Variants in HDAC9 observed in about 807,000 individuals in gnomAD.
HDAC9 encodes MEF-2 interacting transcription repressor (MITR) protein.
In HDAC9, 41 loss-of-function variants were observed where a neutral mutation model predicts 139.4. The observed-to-expected ratio is 0.29, with a 90% CI of 0.23 to 0.38. The LOEUF (loss-of-function observed/expected upper bound fraction) is 0.38. HDAC9 is among the 10% of genes least tolerant of loss of function. HDAC9 has a pLI of 1.00. For missense variants in HDAC9, 1,147 were observed against 1,297.0 expected, an observed-to-expected ratio of 0.88 and a Z score of 1.78; for synonymous variants, 517 against 476.2, an observed-to-expected ratio of 1.09 and a Z score of -1.12.
Position 18,211,530 on chromosome 7 carries a change from C to G in HDAC9, c.25+49181C>G, listed in dbSNP as rs78852302. 6.5e-3 allele frequency among the ~76,000 whole-genome samples: 988 copies of G among 152,274 alleles called. 13 individuals carry two copies. Among genetic ancestry groups the G allele is most frequent in the African/African-American group, 0.022 (932 of 41,548 alleles). On this transcript the variant is annotated intron_variant, in intron 2 of 12. Transcript: ENST00000417496. ...TGATTATTGTACAGTATTCTATGGA[C>G]ATTTGATTTGATTCTTCTCACAAAA... is the stretch of plus-strand genomic sequence containing the variant.
chr7:18,899,570 T>C (rs1360239391), intron 22 of HDAC9: 1 of 152,024 alleles, frequency 6.6e-6, no homozygotes, highest in Non-Finnish European at 1.5e-5. Context: ...TCATTTGGTT[T>C]AGTCCAGTTA....
chr7:18,457,272 T>C (rs1375731052), intron 1 of HDAC9, among the ~76,000 whole-genome samples: 1 of 152,200 alleles, frequency 6.6e-6, no homozygotes, highest in Non-Finnish European at 1.5e-5. Context: ...AGTGAACCAC[T>C]CAGTGACAAT....
chr7:18,694,712 T>C (rs1349889404), intron 12 of HDAC9, among the ~76,000 whole-genome samples: 2 of 152,142 alleles, frequency 1.3e-5, no homozygotes, highest in Admixed American at 6.5e-5. Flanking sequence ...TGTGGTGTCC[T>C]GGAGTGTATC....
At chr7:18,809,623 G>T (rs552757164) in intron 17 of HDAC9, among the ~76,000 whole-genome samples, 4 of 152,010 alleles carry the variant, frequency 2.6e-5, no homozygotes, top group Middle Eastern at 3.4e-3. Flanking sequence ...TACATGAAAA[G>T]ATACTCAACA....
At chr7:18,909,490 C>G (rs1343085180) in intron 22 of HDAC9, among the ~76,000 whole-genome samples, 1 of 151,828 alleles carries the variant, frequency 6.6e-6, no homozygotes, top group Non-Finnish European at 1.5e-5. Context: ...AAGCATTTCC[C>G]CTATGTTTTC....
At chr7:18,838,030 ATATT>A (rs1315088951) in intron 21 of HDAC9, among the ~76,000 whole-genome samples, 1 of 152,068 alleles carries the variant, frequency 6.6e-6, no homozygotes. Context: ...TTCAATGTCC[ATATT>A]TATTTAAGAA....
intron 1 of HDAC9, among the ~76,000 whole-genome samples, chr7:18,326,991 T>C (rs1189220184): frequency 2.0e-5 from 3 of 151,916 alleles, no homozygotes; most frequent in African/African-American, 7.2e-5. Flanking sequence ...GTAAAAGCAA[T>C]TAAGAGTTGA....
At chr7:18,191,743 A>G (rs1167310471) in intron 2 of HDAC9, among the ~76,000 whole-genome samples, 1 of 152,238 alleles carries the variant, frequency 6.6e-6, no homozygotes, top group Admixed American at 6.5e-5. Flanking sequence ...TATGAATTGA[A>G]ATGTTTTGAA....
intron 2 of HDAC9, among the ~76,000 whole-genome samples, chr7:18,513,656 G>T (rs1385874880): frequency 6.6e-6 from 1 of 152,194 alleles, no homozygotes; most frequent in Non-Finnish European, 1.5e-5. Flanking sequence ...GGATTTTCAG[G>T]AGGTTTAGCC....
chr7:18,130,075 G>C (rs1188466518), intron 1 of HDAC9, among the ~76,000 whole-genome samples: 2 of 152,056 alleles, frequency 1.3e-5, no homozygotes, highest in Non-Finnish European at 2.9e-5. Context: ...CATACAGATG[G>C]AGTATCCCTT....
intron 1 of HDAC9, among the ~76,000 whole-genome samples, chr7:18,351,291 A>G (rs761150394): frequency 2.0e-5 from 3 of 152,126 alleles, no homozygotes; most frequent in Non-Finnish European, 4.4e-5. Context: ...TGTTGCTTCA[A>G]TATTTTTCCC....
rs533023399 is a variant in HDAC9 at position 18,111,620 on chromosome 7, G to T, written c.-97+24407G>T. 2.6e-5 allele frequency among the ~76,000 whole-genome samples: 4 copies of T among 152,236 alleles called. 1 individual carries two copies. The South Asian group carries it at 8.3e-4, about 32-fold the overall frequency. On this transcript the variant is annotated intron_variant, in intron 1 of 12. Coordinates refer to the HDAC9 transcript ENST00000417496. The stretch of plus-strand genomic sequence containing the variant: ...TAATAATACCTAATTCAGTATAAAT[G>T]CTATGTAAGTAGTTGGTATACTGTA...
chr7:18,255,937 G>A (rs1362145551), intron 2 of HDAC9, among the ~76,000 whole-genome samples: 5 of 152,052 alleles, frequency 3.3e-5, no homozygotes, highest in African/African-American at 4.8e-5. Flanking sequence ...CAACATTGAT[G>A]AGTTTTCACA....
chr7:18,451,978 T>G (rs1388606551), intron 1 of HDAC9, among the ~76,000 whole-genome samples: 4 of 152,150 alleles, frequency 2.6e-5, no homozygotes, highest in African/African-American at 9.7e-5. Flanking sequence ...ATCCCAGATG[T>G]TAAGGACTGT....
chr7:18,841,305 T>C (rs1261342433), intron 21 of HDAC9, among the ~76,000 whole-genome samples: 1 of 152,084 alleles, frequency 6.6e-6, no homozygotes, highest in African/African-American at 2.4e-5. Flanking sequence ...TGTTTGGATT[T>C]TTTTTGTTCT....
rs765188870 is a variant in HDAC9 at position 18,702,025 on chromosome 7, A to T, written c.1732-25555A>T. Among the ~76,000 whole-genome samples the T allele has an allele frequency of 2.6e-5, 4 of 152,252 alleles. No homozygotes were observed. In the South Asian group the frequency reaches 8.3e-4, roughly 32 times the overall value. On this transcript the variant is annotated intron_variant, in intron 12 of 25. Transcript: ENST00000686413. The stretch of plus-strand genomic sequence containing the variant: ...CTTTCACTCTTTTTCTTACTGTTTA[A>T]CTTCAGCTACTAACAGCAGTTGAAC...
chr7:18,591,719 T>G (rs1049265634), intron 5 of HDAC9, 77 bp downstream of exon 5: 69 of 1,534,146 alleles, frequency 4.5e-5, no homozygotes, highest in Non-Finnish European at 6.1e-5. Flanking sequence ...TGGGTACACA[T>G]CCTTAGCCTG....
At chr7:18,217,156 T>C (rs1404511291) in intron 2 of HDAC9, among the ~76,000 whole-genome samples, 1 of 152,196 alleles carries the variant, frequency 6.6e-6, no homozygotes, top group Non-Finnish European at 1.5e-5. Context: ...TCTACTCAGC[T>C]GGGATGATCT....
chr7:18,390,934 C>T (rs1361510220), intron 1 of HDAC9, among the ~76,000 whole-genome samples: 1 of 152,058 alleles, frequency 6.6e-6, no homozygotes, highest in Non-Finnish European at 1.5e-5. Context: ...ACTAAAAATA[C>T]AAAAATTAGC....
Sources: allele counts gnomAD v4.1 joint callset (sites outside exome capture counted in the v4.1 genomes callset), GRCh38; gene constraint gnomAD v4.1.1; transcripts MANE v1.5; gene names NCBI Gene and HGNC (gene_info 2026-07-23, HGNC 2026-07-21).